Variants in RPAP1 observed in about 807,000 individuals in gnomAD.
RPAP1 encodes RNA polymerase II associated protein 1, also known as RNA polymerase II-associated protein 1.
Under a neutral mutation model 142.4 loss-of-function variants are expected in RPAP1, and 109 were observed. The ratio of observed to expected loss-of-function variants is 0.77; its 90% CI spans 0.66 to 0.90. RPAP1 has a LOEUF of 0.90. Among genes scored for constraint, RPAP1 ranks in the 40% least tolerant of loss-of-function variants. RPAP1 has a pLI of 0.00. For missense variants in RPAP1, 1,546 were observed against 1,751.7 expected, an observed-to-expected ratio of 0.88 and a Z score of 2.10; for synonymous variants, 704 against 738.9, an observed-to-expected ratio of 0.95 and a Z score of 0.77.
Position 41,522,433 on chromosome 15 carries a change from C to T in RPAP1, c.2743-183G>A, listed in dbSNP as rs543551796. On this transcript the variant is annotated intron_variant, in intron 19 of 24. Transcript: ENST00000304330. ...GAGATGGAGTTTCGCTCTTGTTGCC[C>T]AGGCTGCAGTGCAATGGTGTGATCT... The T allele has an allele frequency of 1.1e-5, 7 of 634,826 alleles. No homozygotes were observed. The East Asian group carries it at 1.7e-4, about 15-fold the overall frequency. The allele number at this position is 634,826 out of a possible 1,614,324, so 39.3% of individuals were successfully genotyped here.
At position 41,522,261 on chromosome 15, in the gene RPAP1, G is replaced by C; in HGVS notation, c.2743-11C>G. 1.2e-6 allele frequency: 2 copies of C among 1,612,666 alleles called. No individual in the cohort carries two copies. The stretch of plus-strand genomic sequence containing the variant: ...CAATATGGCAGCCAGCTGAGGAAAA[G>C]CAATTTTGTTCAGATCTAGAAATTG... On this transcript the variant is annotated splice_polypyrimidine_tract_variant and intron_variant, in intron 19 of 24. Transcript: ENST00000304330.
chr15:41,529,780 A>G, intron 8 of RPAP1, 84 bp downstream of exon 8: 4 of 1,005,850 alleles, frequency 4.0e-6, no homozygotes, highest in Non-Finnish European at 5.9e-6. Flanking sequence ...GGCAATAGAA[A>G]GGCCTGAGTT....
At chr15:41,539,284 T>TG (rs1310556273) in intron 1 of RPAP1, among the ~76,000 whole-genome samples, 2 of 151,786 alleles carry the variant, frequency 1.3e-5, no homozygotes, top group Non-Finnish European at 2.9e-5. Context: ...TTTTTGTTTT[T>TG]TTTTTTGTTT....
At position 41,525,050 on chromosome 15, in the gene RPAP1, G is replaced by T. The variant is rs1392020860; in HGVS notation, c.2016C>A (p.Thr672=). The T allele has an allele frequency of 1.2e-6, 2 of 1,614,074 alleles. No homozygotes were observed. The highest frequency in any genetic ancestry group is 4.5e-5 in the East Asian group (2 of 44,872). The part of the protein sequence containing the change: ...LPPEEAEMLS[T]EALRLWAVAA... ...CCACAGCCCACAGACGGAGGGCCTCGGTGCTCAGCATCTCAGCTTCCTCTG... is the reference window on the plus strand; with the variant it reads ...CCACAGCCCACAGACGGAGGGCCTCTGTGCTCAGCATCTCAGCTTCCTCTG... The change falls in exon 15 of 25, where the codon ACC becomes ACA. Residue 672 remains threonine, a synonymous_variant. Coordinates refer to ENST00000304330, the MANE Select transcript of RPAP1 (RefSeq NM_015540.4).
chr15:41,525,634 G>A (rs1239202373), intron 14 of RPAP1, among the ~76,000 whole-genome samples: 4 of 150,526 alleles, frequency 2.7e-5, no homozygotes, highest in Non-Finnish European at 5.9e-5. Context: ...ACCGCACCCA[G>A]CCCCTATTAT....
intron 14 of RPAP1, among the ~76,000 whole-genome samples, 167 bp downstream of exon 14, chr15:41,526,731 C>T (rs1308478689): frequency 6.6e-6 from 1 of 152,190 alleles, no homozygotes; most frequent in Non-Finnish European, 1.5e-5. Flanking sequence ...AAACAGGCTC[C>T]AGTAAACAGG....
Position 41,517,383 on chromosome 15 carries a change from C to G in RPAP1, c.*159G>C. ...CAGGATGTAATGGTAGGGCTCACTG[C>G]TCTAAAACAGCTCAAACAACCTGCT... On this transcript the variant is annotated 3_prime_UTR_variant, in exon 25 of 25. Coordinates refer to ENST00000304330, the MANE Select transcript of RPAP1 (RefSeq NM_015540.4). 1 of 645,250 alleles carries G rather than the reference C, an allele frequency of 1.5e-6. No homozygotes were observed. Among genetic ancestry groups the G allele is most frequent in the Non-Finnish European group, 2.6e-6 (1 of 380,034 alleles). The allele number at this position is 645,250 out of a possible 1,614,324, so 40.0% of individuals were successfully genotyped here.
intron 6 of RPAP1, among the ~76,000 whole-genome samples, chr15:41,534,457 G>A (rs912996961): frequency 6.6e-6 from 1 of 150,992 alleles, no homozygotes; most frequent in African/African-American, 2.4e-5. Flanking sequence ...GTGGTGGTGT[G>A]TGCCTATAAT....
intron 1 of RPAP1, among the ~76,000 whole-genome samples, chr15:41,543,607 C>G (rs759601024): frequency 3.3e-5 from 5 of 152,142 alleles, no homozygotes; most frequent in Non-Finnish European, 7.4e-5. Flanking sequence ...TGACTATACA[C>G]GCAAAACGCC....
At position 41,518,001 on chromosome 15, in the gene RPAP1, C is replaced by T; in HGVS notation, c.3972+5G>A. ...CCTTCCTCTGAAGATGGAGATGTAA[C>T]TTACTGAGCTCTGTGGGTCCTGAGA... On this transcript the variant is annotated splice_donor_5th_base_variant and intron_variant, in intron 23 of 24. Coordinates refer to ENST00000304330, the MANE Select transcript of RPAP1 (RefSeq NM_015540.4). The T allele has an allele frequency of 1.2e-6, 2 of 1,614,192 alleles. No individual in the cohort carries two copies. Among genetic ancestry groups the T allele is most frequent in the South Asian group, 1.1e-5 (1 of 91,082 alleles).
In RPAP1 at chr15:41,522,803, TAAG is replaced by T. The variant is rs1215957341; in HGVS notation, c.2701_2703del (p.Leu901del). 5.1e-6 allele frequency: 8 copies of T among 1,580,742 alleles called. No homozygotes were observed. The highest frequency in any genetic ancestry group is 6.8e-6 in the Non-Finnish European group (8 of 1,169,430). ...CCCTTGTGGATCTGGGCCAGGGTATTAAGAAGAGAGAGGAGGGCAGTGAGGAAT... is the reference window on the plus strand; with the variant it reads ...CCCTTGTGGATCTGGGCCAGGGTATTAAGAGAGAGGAGGGCAGTGAGGAAT... On this transcript the variant is annotated inframe_deletion, in exon 19 of 25. Coordinates refer to ENST00000304330, the MANE Select transcript of RPAP1 (RefSeq NM_015540.4).
At chr15:41,531,613 ATATATATATATATATTTTTTTTT>A (rs1278102728) in intron 6 of RPAP1, among the ~76,000 whole-genome samples, 3 of 22,154 alleles carry the variant, frequency 1.4e-4, no homozygotes, top group African/African-American at 8.4e-4. Flanking sequence ...ATATATATAT[ATATATATATATATATTTTTTTTT>A]TTTTTTTTTT....
At chr15:41,524,015 C>T in intron 16 of RPAP1, 43 bp from the exon 17 acceptor site, 2 of 1,611,804 alleles carry the variant, frequency 1.2e-6, no homozygotes, top group Non-Finnish European at 8.5e-7. Flanking sequence ...ATCTGGCTGC[C>T]TCACGCCCCT....
At chr15:41,518,279 G>A (rs1347138674) in intron 22 of RPAP1, 97 bp from the exon 23 acceptor site, 11 of 1,047,786 alleles carry the variant, frequency 1.0e-5, no homozygotes, top group Non-Finnish European at 1.5e-5. Flanking sequence ...AAATCATGAG[G>A]GCAGAGATCA....
intron 21 of RPAP1, 39 bp from the exon 22 acceptor site, chr15:41,521,186 C>T (rs1184069203): frequency 2.0e-6 from 3 of 1,507,300 alleles, no homozygotes; most frequent in Non-Finnish European, 2.7e-6. Flanking sequence ...AGGGCTGGAA[C>T]CACAGCACTT....
chr15:41,533,646 C>G (rs1566888838), intron 6 of RPAP1, among the ~76,000 whole-genome samples: 1 of 150,976 alleles, frequency 6.6e-6, no homozygotes, highest in Non-Finnish European at 1.5e-5. Context: ...CTGGCCAATA[C>G]AGGGAAACCC....
chr15:41,519,672 G>C (rs1159330986), intron 22 of RPAP1: 6 of 152,114 alleles, frequency 3.9e-5, no homozygotes, highest in Admixed American at 3.9e-4. Context: ...TATTCTGTTA[G>C]GAATCTCCTG....
chr15:41,525,685 C>T (rs1052823458), intron 14 of RPAP1, among the ~76,000 whole-genome samples: 11 of 145,684 alleles, frequency 7.6e-5, no homozygotes, highest in Admixed American at 1.4e-4. Flanking sequence ...GATGGAGTCT[C>T]GCTCTGTCGC....
intron 1 of RPAP1, among the ~76,000 whole-genome samples, chr15:41,540,758 T>C (rs1394670627): frequency 6.6e-6 from 1 of 152,188 alleles, no homozygotes; most frequent in Non-Finnish European, 1.5e-5. Context: ...TACTGCTGTG[T>C]GGTGCCTGGG....
Sources: gnomAD v4.1 joint callset for allele counts (sites outside exome capture counted in the v4.1 genomes callset) on GRCh38, gnomAD v4.1.1 for gene constraint, MANE v1.5 for transcripts, NCBI Gene and HGNC (gene_info 2026-07-23, HGNC 2026-07-21) for gene names.